The following PCDHA2 variants were observed in gnomAD, a reference collection of about 807,000 sequenced individuals.
PCDHA2 encodes protocadherin alpha 2.
A neutral mutation model predicts 66.0 loss-of-function variants in PCDHA2; 58 were observed. The ratio of observed to expected loss-of-function variants is 0.88; its 90% CI spans 0.71 to 1.09. The LOEUF (loss-of-function observed/expected upper bound fraction) is 1.09, where lower values mean the gene tolerates loss of function less well. PCDHA2 is among the 50% of genes least tolerant of loss of function. PCDHA2 has a pLI of 0.00. For synonymous variants in PCDHA2, 634 were observed against 554.0 expected (o/e 1.14, Z -2.03); for missense variants, 1,267 against 1,242.3 (o/e 1.02, Z -0.30).
chr5:140,966,946 C>G (rs377699694), intron 1 of PCDHA2: 3 of 1,603,368 alleles, frequency 1.9e-6, no homozygotes, highest in African/African-American at 2.7e-5. Context: ...TCGTGGGCAA[C>G]GTGGCTCGCG....
chr5:140,885,873 T>A (rs1365119411), intron 1 of PCDHA2, among the ~76,000 whole-genome samples: 3 of 152,154 alleles, frequency 2.0e-5, no homozygotes, highest in Admixed American at 6.5e-5. Flanking sequence ...TGAAAAAAAA[T>A]TTTTAGTTTC....
At chr5:140,828,625 C>T (rs1202747267) in intron 1 of PCDHA2, 5 of 1,614,096 alleles carry the variant, frequency 3.1e-6, no homozygotes, top group African/African-American at 1.3e-5. Context: ...GCGAATACTT[C>T]GGGCTAGATG....
At chr5:140,988,414 T>C (rs1554250128) in intron 3 of PCDHA2, among the ~76,000 whole-genome samples, 1 of 152,194 alleles carries the variant, frequency 6.6e-6, no homozygotes. Flanking sequence ...GCAGCTTATG[T>C]AAAGAATTTG....
chr5:140,987,096 C>T (rs1266691790), intron 3 of PCDHA2, among the ~76,000 whole-genome samples: 3 of 151,912 alleles, frequency 2.0e-5, no homozygotes, highest in African/African-American at 7.3e-5. Context: ...TGCCTGTAAT[C>T]CCAGCTACTC....
intron 1 of PCDHA2, chr5:140,969,405 C>T (rs781817372): frequency 6.3e-7 from 1 of 1,577,066 alleles, no homozygotes; most frequent in Non-Finnish European, 8.6e-7. Flanking sequence ...TGTGATTTGG[C>T]TTTATTGAGT....
chr5:140,834,789 A>G lies in PCDHA2; in HGVS notation c.2388+37437A>G, dbSNP rs1164245907. 4 of 1,613,586 alleles carry G rather than the reference A, an allele frequency of 2.5e-6. No homozygotes were observed. The African/African-American group carries it at 5.3e-5, about 22-fold the overall frequency. Reference sequence around the variant, plus strand: ...CGACAACCCTCCGGTGTTCCCAGCGACACAAAGGAATCTGTTCATCGCGGA... The same window carrying G: ...CGACAACCCTCCGGTGTTCCCAGCGGCACAAAGGAATCTGTTCATCGCGGA... On this transcript the variant is annotated intron_variant, in intron 1 of 3. Coordinates refer to ENST00000526136, the MANE Select transcript of PCDHA2 (RefSeq NM_018905.3).
At chr5:140,836,966 T>G in intron 1 of PCDHA2, 1 of 388,302 alleles carries the variant, frequency 2.6e-6, no homozygotes, top group Non-Finnish European at 4.5e-6. Context: ...TGTTGGCTAC[T>G]CTCCATTTTT....
chr5:140,969,509 C>T (rs1554231905), intron 1 of PCDHA2: 1 of 1,416,140 alleles, frequency 7.1e-7, no homozygotes, highest in Non-Finnish European at 9.4e-7. Context: ...AAAAATAGCA[C>T]TAAAGAATTG....
chr5:140,989,805 A>G (rs3776110), intron 3 of PCDHA2, among the ~76,000 whole-genome samples: 8,341 of 152,306 alleles, frequency 0.055, 292 homozygotes, highest in East Asian at 0.12. Context: ...GGAAAGGGCC[A>G]TAAGATTGGT....
intron 1 of PCDHA2, among the ~76,000 whole-genome samples, chr5:140,947,597 G>A (rs1231530518): frequency 1.3e-5 from 2 of 151,586 alleles, no homozygotes; most frequent in African/African-American, 4.8e-5. Context: ...TCAATTTAGG[G>A]AAGATTTGGT....
At chr5:140,995,559 A>G (rs2097689300) in intron 3 of PCDHA2, among the ~76,000 whole-genome samples, 1 of 152,242 alleles carries the variant, frequency 6.6e-6, no homozygotes, top group South Asian at 2.1e-4. Context: ...TGTACTGAAT[A>G]ATATGTCAAG....
intron 1 of PCDHA2, chr5:140,850,158 G>C: frequency 6.3e-7 from 1 of 1,595,230 alleles, no homozygotes; most frequent in Non-Finnish European, 8.6e-7. Flanking sequence ...GCAGGTGTTC[G>C]TGCTGGACGA....
Position 140,835,816 on chromosome 5 carries a change from C to T in PCDHA2, c.2388+38464C>T, listed in dbSNP as rs1554135300. 2.5e-6 allele frequency: 4 copies of T among 1,612,612 alleles called. No homozygotes were observed. The highest frequency in any genetic ancestry group is 2.2e-5 in the East Asian group (1 of 44,834). ...CCGGGCTGCCACATCTTCACTGTGT[C>T]GGCGGGGGACGCGGACGCGCAGAAG... is the stretch of plus-strand genomic sequence containing the variant. On this transcript the variant is annotated intron_variant, in intron 1 of 3. Coordinates refer to ENST00000526136, the MANE Select transcript of PCDHA2 (RefSeq NM_018905.3).
At chr5:140,858,837 T>A (rs2045615327) in intron 1 of PCDHA2, 1 of 319,506 alleles carries the variant, frequency 3.1e-6, no homozygotes, top group Non-Finnish European at 5.9e-6. Context: ...TACCAAAAAA[T>A]TCCACTGATC....
intron 1 of PCDHA2, 40 bp from the exon 2 acceptor site, chr5:140,978,909 C>T: frequency 6.2e-7 from 1 of 1,613,660 alleles, no homozygotes; most frequent in South Asian, 1.1e-5. Context: ...AGAACATTGT[C>T]TTGTCATTTT....
At chr5:140,929,034 C>A in intron 1 of PCDHA2, 4 of 1,614,158 alleles carry the variant, frequency 2.5e-6, no homozygotes, top group Non-Finnish European at 3.4e-6. Flanking sequence ...CAGGCTGTTG[C>A]GCTCAGAGCT....
At chr5:140,824,013 C>A in intron 1 of PCDHA2, 2 of 1,614,156 alleles carry the variant, frequency 1.2e-6, no homozygotes, top group Non-Finnish European at 1.7e-6. Flanking sequence ...CGGTGGGGAG[C>A]TGGTCGTACT....
chr5:140,979,144 T>C, intron 2 of PCDHA2, 137 bp downstream of exon 2: 1 of 1,448,584 alleles, frequency 6.9e-7, no homozygotes. Flanking sequence ...GCAATTATTT[T>C]GTCCCCATGT....
chr5:140,836,144 G>T (rs2150253955), intron 1 of PCDHA2: 2 of 1,613,780 alleles, frequency 1.2e-6, no homozygotes, highest in Non-Finnish European at 1.7e-6. Context: ...CTGTGGGCGC[G>T]GGCCATGTGG....
Sources: allele counts gnomAD v4.1 joint callset (sites outside exome capture counted in the v4.1 genomes callset), GRCh38; gene constraint gnomAD v4.1.1; transcripts MANE v1.5; gene names NCBI Gene and HGNC (gene_info 2026-07-23, HGNC 2026-07-21).